Variants in MICAL2 observed in about 807,000 individuals in gnomAD.
MICAL2 encodes [F-actin]-monooxygenase MICAL2.
Under a neutral mutation model 127.3 loss-of-function variants are expected in MICAL2, and 77 were observed. The observed-to-expected ratio is 0.60, with a 90% CI of 0.50 to 0.73. MICAL2 has a LOEUF of 0.73. Among genes scored for constraint, MICAL2 ranks in the 30% least tolerant of loss-of-function variants. The probability of loss-of-function intolerance (pLI) is 0.00; values close to 1 mark genes in which losing one functional copy is unlikely to be tolerated. For missense variants in MICAL2, 1,351 were observed against 1,434.4 expected, an observed-to-expected ratio of 0.94 and a Z score of 0.94; for synonymous variants, 570 against 551.1, an observed-to-expected ratio of 1.03 and a Z score of -0.48.
chr11:12,354,892 C>G, intron 34 of MICAL2: 1 of 1,588,882 alleles, frequency 6.3e-7, no homozygotes, highest in Non-Finnish European at 8.6e-7. Flanking sequence ...AGAACTTCCC[C>G]CTAGAAAGGC....
chr11:12,293,333 G>A (rs3812750), downstream of MICAL2, among the ~76,000 whole-genome samples: 5,728 of 152,100 alleles, frequency 0.038, 196 homozygotes, highest in Admixed American at 0.1. Flanking sequence ...AAAGCCTTTC[G>A]TCAGTACTGA....
downstream of MICAL2, chr11:12,294,003 T>G: frequency 6.2e-7 from 1 of 1,614,152 alleles, no homozygotes; most frequent in Middle Eastern, 1.7e-4. Context: ...AAGACCATGT[T>G]GTTGGATTGG....
At chr11:12,231,060 G>A (rs11022254) in intron 15 of MICAL2, among the ~76,000 whole-genome samples, 72,247 of 152,022 alleles carry the variant, frequency 0.48, 18,024 homozygotes, top group Middle Eastern at 0.68. Flanking sequence ...GTGACACCTG[G>A]ACATATAACC....
chr11:12,245,004 A>T (rs1860530912), intron 21 of MICAL2, among the ~76,000 whole-genome samples: 1 of 152,216 alleles, frequency 6.6e-6, no homozygotes, highest in Non-Finnish European at 1.5e-5. Context: ...AGTTAATGAA[A>T]TGCACTCACA....
At chr11:12,220,902 T>C (rs576565743) in intron 9 of MICAL2, among the ~76,000 whole-genome samples, 1 of 152,366 alleles carries the variant, frequency 6.6e-6, no homozygotes, top group African/African-American at 2.4e-5. Flanking sequence ...CTGAAAATTC[T>C]TCCCAGAAAA....
At chr11:12,209,329 C>A (rs1855139723) in intron 5 of MICAL2, among the ~76,000 whole-genome samples, 168 bp from the exon 6 acceptor site, 1 of 152,166 alleles carries the variant, frequency 6.6e-6, no homozygotes, top group Non-Finnish European at 1.5e-5. Context: ...TCAGAGGACA[C>A]CAGATTAGAG....
downstream of MICAL2, among the ~76,000 whole-genome samples, chr11:12,293,152 T>C (rs2134786418): frequency 6.6e-6 from 1 of 152,284 alleles, no homozygotes; most frequent in East Asian, 1.9e-4. Flanking sequence ...TCATGCCTTT[T>C]AGTACAGACA....
At chr11:12,338,529 G>C (rs1237390830) in intron 32 of MICAL2, among the ~76,000 whole-genome samples, 1 of 152,186 alleles carries the variant, frequency 6.6e-6, no homozygotes, top group African/African-American at 2.4e-5. Context: ...CTCGTTAGTT[G>C]ATGCGGTTTC....
At chr11:12,331,179 A>G (rs1041339871) in intron 32 of MICAL2, among the ~76,000 whole-genome samples, 1 of 152,098 alleles carries the variant, frequency 6.6e-6, no homozygotes, top group Non-Finnish European at 1.5e-5. Context: ...GGCATGGAAT[A>G]CCCCAGTCTA....
chr11:12,246,946 G>T (rs1325523590), intron 21 of MICAL2, among the ~76,000 whole-genome samples: 1 of 152,118 alleles, frequency 6.6e-6, no homozygotes, highest in Admixed American at 6.5e-5. Context: ...TATTTCCTAT[G>T]AAAAAATTAG....
chr11:12,159,948 C>G (rs537570120), intron 2 of MICAL2, among the ~76,000 whole-genome samples: 2 of 152,316 alleles, frequency 1.3e-5, no homozygotes, highest in Middle Eastern at 3.4e-3. Flanking sequence ...GAGCCCCCTT[C>G]CCCAGTCTAC....
chr11:12,343,477 T>C, intron 32 of MICAL2, among the ~76,000 whole-genome samples: 1 of 147,292 alleles, frequency 6.8e-6, no homozygotes. Context: ...TTAAATTGAG[T>C]GATTCTGTTC....
At chr11:12,357,025 G>A (rs1939139594) in intron 34 of MICAL2, among the ~76,000 whole-genome samples, 1 of 152,232 alleles carries the variant, frequency 6.6e-6, no homozygotes, top group African/African-American at 2.4e-5. Flanking sequence ...GACCGAGCAT[G>A]GGGCTCTAAC....
intron 29 of MICAL2, among the ~76,000 whole-genome samples, chr11:12,301,957 T>A (rs1864052416): frequency 6.6e-6 from 1 of 152,224 alleles, no homozygotes; most frequent in Non-Finnish European, 1.5e-5. Flanking sequence ...CTCTTTTTAA[T>A]AAATGTTCTG....
intron 2 of MICAL2, among the ~76,000 whole-genome samples, chr11:12,143,068 A>C (rs947451982): frequency 6.6e-6 from 1 of 152,232 alleles, no homozygotes; most frequent in Non-Finnish European, 1.5e-5. Context: ...ATATGATGAC[A>C]GTCATAGCTC....
rs1274163955 is a variant in MICAL2 at position 12,259,807 on chromosome 11, T to C, written c.3244T>C (p.Trp1082Arg). The C allele has an allele frequency of 1.9e-6, 3 of 1,546,626 alleles. No homozygotes were observed. The highest frequency in any genetic ancestry group is 2.3e-5 in the East Asian group (1 of 43,928). ...ATCTCTTTCTCAGGAGGAGGCAACA[T>C]GGCAAGAGCAGGAAGCCCCTCGGAG... ...LKQQREEEAT[W>R]QEQEAPRRDT... Residue 1082 changes from tryptophan to arginine, a missense_variant, in exon 26 of 28, where the codon TGG becomes CGG. Physicochemically the swap from Trp to Arg is moderately radical, Grantham distance 101 (BLOSUM62 -3). This residue lies in a region of MICAL2 where 752 missense variants were observed against 719.4 expected (regional missense o/e 1.05). Transcript: ENST00000683283.
chr11:12,352,275 G>T (rs1455514869), intron 33 of MICAL2, among the ~76,000 whole-genome samples: 1 of 152,206 alleles, frequency 6.6e-6, no homozygotes, highest in African/African-American at 2.4e-5. Context: ...AGCACATTCT[G>T]TGCACCAGGG....
downstream of MICAL2, among the ~76,000 whole-genome samples, chr11:12,295,438 C>A (rs1489285616): frequency 4.1e-5 from 3 of 74,064 alleles, no homozygotes; most frequent in Non-Finnish European, 8.1e-5. Context: ...CCATGCTCAG[C>A]CTCTTTTTTT....
At chr11:12,119,493 T>TA (rs1050834222) in intron 1 of MICAL2, among the ~76,000 whole-genome samples, 1 of 152,166 alleles carries the variant, frequency 6.6e-6, no homozygotes, top group Non-Finnish European at 1.5e-5. Flanking sequence ...TTGTAATCTC[T>TA]AAAAAAGGTA....
Sources: allele counts gnomAD v4.1 joint callset (sites outside exome capture counted in the v4.1 genomes callset), GRCh38; gene constraint gnomAD v4.1.1; regional missense constraint gnomAD v4.1.1; transcripts MANE v1.5; gene names NCBI Gene and HGNC (gene_info 2026-07-23, HGNC 2026-07-21).